CRTC3: variants seen among roughly 807,000 people sequenced by gnomAD.
The protein encoded by CRTC3 is CREB-regulated transcription coactivator 3.
CRTC3 carries 26 observed loss-of-function variants against 74.5 expected under a neutral mutation model. The ratio of observed to expected loss-of-function variants is 0.35; its 90% CI spans 0.26 to 0.48. CRTC3 has a LOEUF of 0.48. Among genes scored for constraint, CRTC3 ranks in the 20% least tolerant of loss-of-function variants. The pLI, the probability that CRTC3 is intolerant of heterozygous loss-of-function variation, is 0.99. For missense variants in CRTC3, 760 were observed against 787.3 expected, an observed-to-expected ratio of 0.97 and a Z score of 0.41; for synonymous variants, 377 against 325.8, an observed-to-expected ratio of 1.16 and a Z score of -1.69.
At chr15:90,572,148 C>T (rs916455212) in intron 2 of CRTC3, among the ~76,000 whole-genome samples, 3 of 117,338 alleles carry the variant, frequency 2.6e-5, no homozygotes, top group East Asian at 2.3e-4. Flanking sequence ...GCTGACAGAG[C>T]GAGATTCTTT....
chr15:90,556,720 G>T (rs540474494), intron 2 of CRTC3, among the ~76,000 whole-genome samples: 31 of 152,040 alleles, frequency 2.0e-4, no homozygotes, highest in Non-Finnish European at 4.1e-4. Flanking sequence ...TTAATTTATG[G>T]TATACAATTA....
chr15:90,543,186 A>G (rs1966831317), intron 2 of CRTC3, among the ~76,000 whole-genome samples: 1 of 149,400 alleles, frequency 6.7e-6, no homozygotes, highest in African/African-American at 2.5e-5. Context: ...GGTCCCAGCT[A>G]CTTGGGAAGC....
rs555341296 is a variant in CRTC3 at position 90,547,437 on chromosome 15, A to C, written c.231+7300A>C. Among the ~76,000 whole-genome samples the C allele has an allele frequency of 3.9e-5, 6 of 152,330 alleles. No homozygotes were observed. The East Asian group carries it at 1.2e-3, about 29-fold the overall frequency. ...TACTACAACATTGGTTGGTAAGTGT[A>C]GTACTATTTTAATATACTAAAGACC... is the stretch of plus-strand genomic sequence containing the variant. On this transcript the variant is annotated intron_variant, in intron 2 of 14. Transcript: ENST00000268184.
Position 90,530,322 on chromosome 15 carries a change from A to C in CRTC3, c.132+119A>C. 1 of 543,122 alleles carries C rather than the reference A, an allele frequency of 1.8e-6. No homozygotes were observed. The highest frequency in any genetic ancestry group is 2.3e-6 in the Non-Finnish European group (1 of 425,818). 33.6% of individuals were successfully genotyped at this position (543,122 alleles called of 1,614,324 possible). On this transcript the variant is annotated intron_variant, in intron 1 of 14. Coordinates refer to ENST00000268184, the MANE Select transcript of CRTC3 (RefSeq NM_022769.5). The surrounding 1 kb of genome is among the most constrained non-coding windows in gnomAD (Gnocchi z 6.2). ...GGCCGGGCGGGGGCCGCGCCCGGGA[A>C]CCGGCGGCTGGGAGGGGGACCGGAG...
At chr15:90,621,121 A>G (rs1005791583) in intron 9 of CRTC3, among the ~76,000 whole-genome samples, 3 of 151,984 alleles carry the variant, frequency 2.0e-5, no homozygotes, top group Non-Finnish European at 4.4e-5. Context: ...GTCTCCCTCA[A>G]CCTAGTCTGG....
At chr15:90,638,890 C>A in intron 13 of CRTC3, 75 bp downstream of exon 13, 1 of 1,204,992 alleles carries the variant, frequency 8.3e-7, no homozygotes, top group Non-Finnish European at 1.2e-6. Flanking sequence ...CTGTAGAATT[C>A]AGAACTGAGC....
At chr15:90,548,659 A>C (rs1966848804) in intron 2 of CRTC3, among the ~76,000 whole-genome samples, 1 of 152,236 alleles carries the variant, frequency 6.6e-6, no homozygotes, top group African/African-American at 2.4e-5. Flanking sequence ...TCAAAATACC[A>C]CTACTAACCA....
intron 7 of CRTC3, among the ~76,000 whole-genome samples, chr15:90,615,840 ATTTATTTTTATTTATT>A (rs1968477856): frequency 6.6e-6 from 1 of 151,372 alleles, no homozygotes; most frequent in Non-Finnish European, 1.5e-5. Context: ...GGCAATTTTT[ATTTATTTTTATTTATT>A]TTTATTTTTA....
intron 9 of CRTC3, 67 bp from the exon 10 acceptor site, chr15:90,625,709 A>C (rs1968809212): frequency 1.4e-6 from 2 of 1,388,606 alleles, no homozygotes; most frequent in Admixed American, 3.4e-5. Flanking sequence ...AAAAGGTTTC[A>C]GCCATGTTTG....
At position 90,642,889 on chromosome 15, in the gene CRTC3, CGGGGGCT is replaced by C. The variant is rs1426437557; in HGVS notation, c.*754_*760del. 3 of 232,888 alleles carry C rather than the reference CGGGGGCT, an allele frequency of 1.3e-5. No homozygotes were observed. The highest frequency in any genetic ancestry group is 2.5e-5 in the Non-Finnish European group (3 of 117,850). 14.4% of individuals were successfully genotyped at this position (232,888 alleles called of 1,614,324 possible). On this transcript the variant is annotated 3_prime_UTR_variant, in exon 15 of 15. Coordinates refer to ENST00000268184, the MANE Select transcript of CRTC3 (RefSeq NM_022769.5). Reference sequence around the variant, plus strand: ...GCCTGAAGAGAACTGTGCTCCTCCTCGGGGGCTGGGGAAGGAAGACAGGGACTGCAGG... The same window carrying C: ...GCCTGAAGAGAACTGTGCTCCTCCTCGGGGAAGGAAGACAGGGACTGCAGG...
At chr15:90,605,760 AC>A (rs1489726299) in intron 5 of CRTC3, among the ~76,000 whole-genome samples, 1 of 152,206 alleles carries the variant, frequency 6.6e-6, no homozygotes, top group Non-Finnish European at 1.5e-5. Context: ...GGAATGAACC[AC>A]AAAGAAGCAC....
At chr15:90,543,076 C>A (rs561615687) in intron 2 of CRTC3, among the ~76,000 whole-genome samples, 1 of 149,520 alleles carries the variant, frequency 6.7e-6, no homozygotes, top group African/African-American at 2.5e-5. Context: ...GCAGGCAGAT[C>A]GCTTGAGCTC....
At chr15:90,541,774 C>G (rs1196607049) in intron 2 of CRTC3, among the ~76,000 whole-genome samples, 2 of 145,580 alleles carry the variant, frequency 1.4e-5, no homozygotes, top group African/African-American at 5.1e-5. Context: ...CTTGGCCTTC[C>G]CAGGATTCTT....
intron 2 of CRTC3, among the ~76,000 whole-genome samples, chr15:90,550,794 C>G (rs1966854204): frequency 6.6e-6 from 1 of 152,012 alleles, no homozygotes; most frequent in Non-Finnish European, 1.5e-5. Context: ...CTCAGGGCTC[C>G]TGCCCCCTCA....
Position 90,638,548 on chromosome 15 carries a change from C to T in CRTC3, c.1369C>T (p.Pro457Ser). 6.8e-6 allele frequency: 11 copies of T among 1,613,128 alleles called. No homozygotes were observed. Among genetic ancestry groups the T allele is most frequent in the Non-Finnish European group, 7.6e-6 (9 of 1,179,616 alleles). ...CCCTGCACCCCAGGAGCTCACCCAG[C>T]CCCTCCTGCAGCAGCCCCGCGCCCC... ...PYPAPQELTQ[P>S]LLQQPRAPEA... The change falls in exon 12 of 15, where the codon CCC (proline) becomes TCC (serine). Residue 457 changes from proline to serine, a missense_variant. This residue lies in a region of CRTC3 where 652 missense variants were observed against 635.2 expected (regional missense o/e 1.03). Coordinates refer to ENST00000268184, the MANE Select transcript of CRTC3 (RefSeq NM_022769.5).
chr15:90,572,866 A>G (rs1407308515), intron 2 of CRTC3, among the ~76,000 whole-genome samples: 2 of 152,106 alleles, frequency 1.3e-5, no homozygotes, highest in African/African-American at 4.8e-5. Flanking sequence ...GTGAGCCACC[A>G]TGCCCCGCCA....
intron 9 of CRTC3, among the ~76,000 whole-genome samples, chr15:90,625,282 G>A (rs1386076119): frequency 6.6e-6 from 1 of 152,248 alleles, no homozygotes; most frequent in Non-Finnish European, 1.5e-5. Flanking sequence ...CTGGCACACA[G>A]TGCCTAGCCC....
At chr15:90,638,958 C>T (rs1969341028) in intron 13 of CRTC3, 143 bp downstream of exon 13, 8 of 717,680 alleles carry the variant, frequency 1.1e-5, no homozygotes, top group Non-Finnish European at 1.9e-5. Flanking sequence ...AAGAGCCTTT[C>T]ATCTTCTTTG....
At chr15:90,537,826 C>T (rs946244500) in intron 1 of CRTC3, among the ~76,000 whole-genome samples, 1 of 152,154 alleles carries the variant, frequency 6.6e-6, no homozygotes, top group African/African-American at 2.4e-5. Flanking sequence ...AGGCATGCAC[C>T]ACCACAGCTG....
Sources: allele counts gnomAD v4.1 joint callset (sites outside exome capture counted in the v4.1 genomes callset), GRCh38; gene constraint gnomAD v4.1.1; regional missense constraint gnomAD v4.1.1; non-coding constraint Gnocchi (gnomAD v3.1); transcripts MANE v1.5; gene names NCBI Gene and HGNC (gene_info 2026-07-23, HGNC 2026-07-21).